Variants in ATP10A observed in about 807,000 individuals in gnomAD.
The protein encoded by ATP10A is ATPase phospholipid transporting 10A (putative), also known as phospholipid-transporting ATPase VA.
Under a neutral mutation model 147.8 loss-of-function variants are expected in ATP10A, and 111 were observed. That is an observed-to-expected ratio of 0.75 (90% CI 0.64 to 0.88). The LOEUF (loss-of-function observed/expected upper bound fraction) is 0.88. ATP10A is among the 40% of genes least tolerant of loss of function. The pLI, the probability that ATP10A is intolerant of heterozygous loss-of-function variation, is 0.00. For synonymous variants in ATP10A, 875 were observed against 841.6 expected (o/e 1.04, Z -0.69); for missense variants, 1,927 against 1,959.0 (o/e 0.98, Z 0.31).
intron 1 of ATP10A, among the ~76,000 whole-genome samples, chr15:25,825,496 A>G (rs1892076557): frequency 6.6e-6 from 1 of 152,154 alleles, no homozygotes; most frequent in Non-Finnish European, 1.5e-5. Context: ...AATGAAGGCT[A>G]AGACAGAGAG....
rs1342104339 is a variant in ATP10A at position 25,863,055 on chromosome 15, C to G, written c.42G>C (p.Pro14=). 1 of 1,251,856 alleles carries G rather than the reference C, an allele frequency of 8.0e-7. No homozygotes were observed. The highest frequency in any genetic ancestry group is 3.0e-5 in the South Asian group (1 of 33,076). 77.5% of individuals were successfully genotyped at this position (1,251,856 alleles called of 1,614,324 possible). ...EPAGTEEPGP[P]GRRRRREGRT... ...TGCCCTCTCGGCGCCTCCGCCGTCC[C>G]GGAGGCCCGGGCTCCTCGGTCCCCG... The change falls in exon 1 of 21, where the codon CCG becomes CCC. Residue 14 remains proline (P), a synonymous_variant. Transcript: ENST00000555815.
intron 2 of ATP10A, among the ~76,000 whole-genome samples, chr15:25,773,264 G>A (rs1027981995): frequency 6.6e-6 from 1 of 152,106 alleles, no homozygotes; most frequent in Non-Finnish European, 1.5e-5. Flanking sequence ...AGGAGCACTC[G>A]CAAACCGAAA....
chr15:25,863,897 C>G (rs1229756247), upstream of ATP10A, among the ~76,000 whole-genome samples: 3 of 152,270 alleles, frequency 2.0e-5, no homozygotes, highest in African/African-American at 7.2e-5. Context: ...TTTCCACCAT[C>G]ATCATTACTG....
intron 1 of ATP10A, among the ~76,000 whole-genome samples, chr15:25,841,139 T>G (rs545332522): frequency 8.9e-4 from 136 of 152,372 alleles, no homozygotes; most frequent in African/African-American, 3.1e-3. Flanking sequence ...ATAATGCTTT[T>G]GGTGTCAAGT....
At chr15:25,864,916 CGCCCAAA>C (rs920368169), upstream of ATP10A, 13 of 152,320 alleles carry the variant, frequency 8.5e-5, no homozygotes, top group African/African-American at 3.1e-4. Flanking sequence ...GTGGACCCTT[CGCCCAAA>C]GTCTCCAGGG....
intron 1 of ATP10A, among the ~76,000 whole-genome samples, chr15:25,807,291 C>T (rs1053610801): frequency 6.6e-6 from 1 of 152,218 alleles, no homozygotes; most frequent in African/African-American, 2.4e-5. Flanking sequence ...GGTGGCCCCC[C>T]ACCAGCCCAG....
intron 1 of ATP10A, among the ~76,000 whole-genome samples, chr15:25,818,679 G>GCATCACATTATCTGACTTCAAATT (rs1205450049): frequency 5.3e-5 from 8 of 152,260 alleles, no homozygotes; most frequent in African/African-American, 1.9e-4. Context: ...CAAAGCCGGG[G>GCATCACATTATCTGACTTCAAATT]CATCACATTA....
chr15:25,767,742 C>T (rs532593301), intron 2 of ATP10A, among the ~76,000 whole-genome samples: 8 of 152,340 alleles, frequency 5.3e-5, no homozygotes, highest in Admixed American at 3.3e-4. Flanking sequence ...AAAACTAATG[C>T]GTGCTAGCTG....
intron 2 of ATP10A, among the ~76,000 whole-genome samples, chr15:25,743,815 C>T (rs1234584828): frequency 6.6e-6 from 1 of 152,182 alleles, no homozygotes; most frequent in Admixed American, 6.5e-5. Context: ...TCTTAAGTCA[C>T]ATTCCCTGAC....
chr15:25,775,275 A>T (rs1046429992), intron 2 of ATP10A, among the ~76,000 whole-genome samples: 1 of 152,228 alleles, frequency 6.6e-6, no homozygotes, highest in African/African-American at 2.4e-5. Flanking sequence ...TTTTAAAAAA[A>T]ATATTTTGTC....
intron 14 of ATP10A, among the ~76,000 whole-genome samples, chr15:25,692,954 C>T (rs1900116385): frequency 6.6e-6 from 1 of 152,044 alleles, no homozygotes; most frequent in African/African-American, 2.4e-5. Context: ...GTACATGCCA[C>T]CACACCCAGC....
intron 15 of ATP10A, among the ~76,000 whole-genome samples, chr15:25,689,503 G>A (rs567672847): frequency 1.3e-5 from 2 of 152,230 alleles, no homozygotes; most frequent in African/African-American, 4.8e-5. Flanking sequence ...GACATCTCTG[G>A]CATCCCTCTC....
At chr15:25,701,371 CTG>C (rs1444426938) in intron 13 of ATP10A, among the ~76,000 whole-genome samples, 2 of 152,156 alleles carry the variant, frequency 1.3e-5, no homozygotes, top group Admixed American at 1.3e-4. Flanking sequence ...TTTGGCCACA[CTG>C]GGGAGGAGCA....
At chr15:25,836,943 T>A (rs1892624140) in intron 1 of ATP10A, among the ~76,000 whole-genome samples, 1 of 152,188 alleles carries the variant, frequency 6.6e-6, no homozygotes, top group Non-Finnish European at 1.5e-5. Flanking sequence ...GGGGCTCTCT[T>A]TTCTTAAAAA....
At chr15:25,803,944 AGTGT>A (rs150801126) in intron 1 of ATP10A, among the ~76,000 whole-genome samples, 4 of 151,854 alleles carry the variant, frequency 2.6e-5, no homozygotes, top group Non-Finnish European at 4.4e-5. Context: ...TATTCACATG[AGTGT>A]GTGTGTGTAA....
intron 2 of ATP10A, among the ~76,000 whole-genome samples, chr15:25,765,630 C>T (rs1252704097): frequency 6.6e-6 from 1 of 152,210 alleles, no homozygotes; most frequent in Non-Finnish European, 1.5e-5. Flanking sequence ...TCCCAGAGCT[C>T]GGGCTGGAAG....
intron 2 of ATP10A, among the ~76,000 whole-genome samples, chr15:25,776,889 C>T (rs555599344): frequency 5.9e-5 from 9 of 152,138 alleles, no homozygotes; most frequent in South Asian, 2.1e-4. Flanking sequence ...TCCATCCTGG[C>T]CTTCAGAGTC....
At chr15:25,832,204 T>C (rs146669409) in intron 1 of ATP10A, among the ~76,000 whole-genome samples, 236 of 152,294 alleles carry the variant, frequency 1.5e-3, no homozygotes, top group African/African-American at 5.2e-3. Flanking sequence ...TCTCTAGAGC[T>C]TTCCACAGGA....
intron 1 of ATP10A, among the ~76,000 whole-genome samples, chr15:25,801,779 A>G (rs1466572186): frequency 2.6e-5 from 4 of 152,168 alleles, no homozygotes; most frequent in Non-Finnish European, 5.9e-5. Flanking sequence ...CACCTGCTGG[A>G]AGGCCCCCGT....
Sources: gnomAD v4.1 joint callset for allele counts (sites outside exome capture counted in the v4.1 genomes callset) on GRCh38, gnomAD v4.1.1 for gene constraint, MANE v1.5 for transcripts, NCBI Gene and HGNC (gene_info 2026-07-23, HGNC 2026-07-21) for gene names.